KCNMB2: variants seen among roughly 807,000 people sequenced by gnomAD.
KCNMB2 encodes the protein calcium-activated potassium channel subunit beta-2.
KCNMB2 carries 9 observed loss-of-function variants against 24.5 expected under a neutral mutation model. The ratio of observed to expected loss-of-function variants is 0.37; its 90% CI spans 0.22 to 0.64. The LOEUF (loss-of-function observed/expected upper bound fraction) is 0.64. KCNMB2 is among the 30% of genes least tolerant of loss of function. KCNMB2 has a pLI of 0.63. For missense variants in KCNMB2, 226 were observed against 284.3 expected, an observed-to-expected ratio of 0.79 and a Z score of 1.47; for synonymous variants, 109 against 104.4, an observed-to-expected ratio of 1.04 and a Z score of -0.27.
chr3:178,787,057 T>C (rs1000693555), intron 1 of KCNMB2, among the ~76,000 whole-genome samples: 5 of 152,108 alleles, frequency 3.3e-5, no homozygotes, highest in African/African-American at 1.2e-4. Flanking sequence ...ACGACCCCAG[T>C]TACAGATGAG....
chr3:178,809,200 C>A (rs969775857), intron 2 of KCNMB2, among the ~76,000 whole-genome samples: 7 of 152,172 alleles, frequency 4.6e-5, no homozygotes, highest in African/African-American at 1.7e-4. Flanking sequence ...ATGCCAGGAC[C>A]AAATCCAAGA....
intron 1 of KCNMB2, among the ~76,000 whole-genome samples, chr3:178,666,216 C>T (rs1360354854): frequency 6.6e-6 from 1 of 152,134 alleles, no homozygotes; most frequent in African/African-American, 2.4e-5. Flanking sequence ...AGCAGATCAA[C>T]ACTACTTACA....
intron 1 of KCNMB2, among the ~76,000 whole-genome samples, chr3:178,616,703 T>C (rs762516089): frequency 6.6e-6 from 1 of 152,228 alleles, no homozygotes; most frequent in Non-Finnish European, 1.5e-5. Context: ...CTTGGTGTCC[T>C]TGTCGGAGGA....
intron 1 of KCNMB2, among the ~76,000 whole-genome samples, chr3:178,607,118 C>T (rs1390103844): frequency 6.6e-6 from 1 of 152,116 alleles, no homozygotes; most frequent in Non-Finnish European, 1.5e-5. Context: ...AGATTTAGGA[C>T]GAGTGTTATT....
At chr3:178,760,960 C>T (rs934308392) in intron 1 of KCNMB2, among the ~76,000 whole-genome samples, 1 of 152,030 alleles carries the variant, frequency 6.6e-6, no homozygotes, top group Non-Finnish European at 1.5e-5. Flanking sequence ...TAACAATATG[C>T]ACCACTTGCA....
chr3:178,588,148 C>T (rs1481334023), intron 1 of KCNMB2, among the ~76,000 whole-genome samples: 1 of 151,954 alleles, frequency 6.6e-6, no homozygotes, highest in Non-Finnish European at 1.5e-5. Flanking sequence ...GGTAACAGAG[C>T]ACCTGTACAA....
At chr3:178,838,739 A>G (rs1296214203) in intron 4 of KCNMB2, among the ~76,000 whole-genome samples, 5 of 152,186 alleles carry the variant, frequency 3.3e-5, no homozygotes, top group Non-Finnish European at 5.9e-5. Context: ...CCCAAAACCT[A>G]TATCAATGTA....
At position 178,635,976 on chromosome 3, in the gene KCNMB2, A is replaced by G. The variant is rs73882829; in HGVS notation, c.-68+99265A>G. Among the ~76,000 whole-genome samples the G allele has an allele frequency of 5.8e-3, 882 of 152,356 alleles. 8 individuals are homozygous for G. The highest frequency in any genetic ancestry group is 0.02 in the African/African-American group (834 of 41,582). Reference sequence around the variant, plus strand: ...ACATCACTGTCATTAGAGATGCAGAAGACATATTTCACCTGTGCACTTCAT... The same window carrying G: ...ACATCACTGTCATTAGAGATGCAGAGGACATATTTCACCTGTGCACTTCAT... On this transcript the variant is annotated intron_variant, in intron 1 of 4. Transcript: ENST00000452583.
intron 1 of KCNMB2, among the ~76,000 whole-genome samples, chr3:178,587,768 A>G (rs1032142477): frequency 6.7e-6 from 1 of 149,722 alleles, no homozygotes; most frequent in Admixed American, 6.7e-5. Context: ...GTTAAGTTTT[A>G]GGGCACATGT....
intron 1 of KCNMB2, among the ~76,000 whole-genome samples, chr3:178,763,575 G>A (rs2108414125): frequency 6.6e-6 from 1 of 152,306 alleles, no homozygotes; most frequent in African/African-American, 2.4e-5. Context: ...TCAGGTGAAT[G>A]CTGTTGACCA....
intron 1 of KCNMB2, among the ~76,000 whole-genome samples, chr3:178,647,836 G>A (rs766000971): frequency 2.2e-4 from 33 of 151,984 alleles, no homozygotes; most frequent in Non-Finnish European, 2.2e-4. Flanking sequence ...ACATATAATC[G>A]TAGAACAAAT....
At chr3:178,754,856 T>C (rs1327943377) in intron 1 of KCNMB2, among the ~76,000 whole-genome samples, 1 of 152,222 alleles carries the variant, frequency 6.6e-6, no homozygotes, top group Non-Finnish European at 1.5e-5. Flanking sequence ...AGACAGCTTG[T>C]TTAGCACGTT....
chr3:178,623,949 G>A (rs552594770), intron 1 of KCNMB2, among the ~76,000 whole-genome samples: 26 of 152,244 alleles, frequency 1.7e-4, no homozygotes, highest in African/African-American at 6.3e-4. Context: ...AAGGTCCCAG[G>A]TCATAGGATA....
intron 1 of KCNMB2, among the ~76,000 whole-genome samples, chr3:178,641,647 T>C (rs1259381049): frequency 1.3e-5 from 2 of 152,160 alleles, no homozygotes; most frequent in Non-Finnish European, 2.9e-5. Context: ...CCACTTTGTA[T>C]GCATTTTATT....
chr3:178,684,012 A>G (rs1721370127), intron 1 of KCNMB2, among the ~76,000 whole-genome samples: 3 of 152,194 alleles, frequency 2.0e-5, no homozygotes, highest in African/African-American at 7.2e-5. Context: ...TTACAGTGAA[A>G]GCCCAGAGGA....
At chr3:178,633,489 T>G (rs1171791827) in intron 1 of KCNMB2, among the ~76,000 whole-genome samples, 2 of 152,234 alleles carry the variant, frequency 1.3e-5, no homozygotes, top group Non-Finnish European at 2.9e-5. Flanking sequence ...GCTCACACCC[T>G]CTGAAGCCAT....
At chr3:178,616,317 G>T (rs768824301) in intron 1 of KCNMB2, among the ~76,000 whole-genome samples, 5 of 152,244 alleles carry the variant, frequency 3.3e-5, no homozygotes, top group Non-Finnish European at 7.3e-5. Context: ...GTAGCCCTCA[G>T]TGGCAAGGTT....
intron 1 of KCNMB2, among the ~76,000 whole-genome samples, chr3:178,593,665 T>G (rs1717761628): frequency 1.3e-5 from 2 of 151,826 alleles, no homozygotes; most frequent in Non-Finnish European, 2.9e-5. Flanking sequence ...CTTCCTGGAA[T>G]GACCTAATCA....
At chr3:178,694,499 G>T (rs948985613) in intron 1 of KCNMB2, among the ~76,000 whole-genome samples, 4 of 152,158 alleles carry the variant, frequency 2.6e-5, no homozygotes, top group Non-Finnish European at 5.9e-5. Context: ...GACCAGGCAA[G>T]TCCCTTCTGT....
Sources: allele counts gnomAD v4.1 joint callset (sites outside exome capture counted in the v4.1 genomes callset), GRCh38; gene constraint gnomAD v4.1.1; transcripts MANE v1.5; gene names NCBI Gene and HGNC (gene_info 2026-07-23, HGNC 2026-07-21).